SYF2: variants seen among roughly 807,000 people sequenced by gnomAD.
The protein encoded by SYF2 is pre-mRNA-splicing factor SYF2.
In SYF2, 21 loss-of-function variants were observed where a neutral mutation model predicts 32.7. That is an observed-to-expected ratio of 0.64 (90% CI 0.45 to 0.92). The LOEUF is 0.92. Ranked by LOEUF, SYF2 falls within the 40% of genes least tolerant of loss-of-function variation. SYF2 has a pLI of 0.00. For missense variants in SYF2, 278 were observed against 296.5 expected (o/e 0.94, Z 0.46); for synonymous variants, 114 against 103.9 (o/e 1.10, Z -0.59).
At chr1:25,232,068 G>C (rs1202672451) in intron 2 of SYF2, 36 bp downstream of exon 2, 2 of 1,598,510 alleles carry the variant, frequency 1.3e-6, no homozygotes, top group African/African-American at 1.3e-5. Flanking sequence ...GGCTTGGCCA[G>C]ATGACGGATC....
rs752382540 is a variant in SYF2, at chr1:25,224,982, C to T, written c.566+20G>A. On this transcript the variant is annotated intron_variant, in intron 6 of 6. Coordinates refer to ENST00000236273, the MANE Select transcript of SYF2 (RefSeq NM_015484.5). ...GTCATGAAGTATTTACAACGTCAAGCTGCTCTACTGAATACTTACTGTTTT... is the reference window on the plus strand; with the variant it reads ...GTCATGAAGTATTTACAACGTCAAGTTGCTCTACTGAATACTTACTGTTTT... 1 of 1,544,798 alleles carries T rather than the reference C, an allele frequency of 6.5e-7. No homozygotes were observed. Among genetic ancestry groups the T allele is most frequent in the Non-Finnish European group, 9.0e-7 (1 of 1,117,106 alleles).
chr1:25,224,018 AC>A (rs1294727088), intron 6 of SYF2, among the ~76,000 whole-genome samples: 2 of 151,954 alleles, frequency 1.3e-5, no homozygotes, highest in East Asian at 3.9e-4. Flanking sequence ...ACATGACGAA[AC>A]CCCGTCTCTA....
In SYF2 at chr1:25,223,267, T is replaced by C. The variant is rs1437750044; in HGVS notation, c.731A>G (p.Ter244=). The C allele has an allele frequency of 3.7e-6, 6 of 1,612,578 alleles. No homozygotes were observed. The highest frequency in any genetic ancestry group is 3.4e-6 in the Non-Finnish European group (4 of 1,179,730). The change falls in exon 7 of 7, where the codon TAA becomes TGA. Residue 244 remains the stop codon, a stop_retained_variant. Transcript: ENST00000236273. ...TTCTATAAACAGTTCTTGAAGGGAT[T>C]AGACAGCTGTTCCTCTTTCCAAATT... is the stretch of plus-strand genomic sequence containing the variant. The part of the protein sequence containing the change: ...KQNLERGTAV[*]
intron 3 of SYF2, 111 bp downstream of exon 3, chr1:25,228,881 GAATTTC>G: frequency 7.6e-7 from 1 of 1,310,552 alleles, no homozygotes; most frequent in Non-Finnish European, 1.0e-6. Flanking sequence ...AGCAGAGCCA[GAATTTC>G]AATTCTGGCA....
chr1:25,228,898 G>T, intron 3 of SYF2, 100 bp downstream of exon 3: 1 of 1,423,492 alleles, frequency 7.0e-7, no homozygotes, highest in Non-Finnish European at 9.5e-7. Flanking sequence ...AATTCTGGCA[G>T]CTTGGCCTAA....
At position 25,223,414 on chromosome 1, in the gene SYF2, T is replaced by C. The variant is rs1305415416; in HGVS notation, c.584A>G (p.Lys195Arg). Residue 195 changes from lysine (K) to arginine (R), a missense_variant, in exon 7 of 7, where the codon AAA (lysine) becomes AGA (arginine). Transcript: ENST00000236273. ...DLEKQIEKRDKYSRRRPYNDD... is the reference protein window; with the variant it reads ...DLEKQIEKRDRYSRRRPYNDD... ...ATTATAAGGACGTCTCCGGCTATAT[T>C]TGTCTCGTTTTTCAATCCTGGGGAA... 1.2e-6 allele frequency: 2 copies of C among 1,606,626 alleles called. No homozygotes were observed. Among genetic ancestry groups the C allele is most frequent in the African/African-American group, 1.3e-5 (1 of 74,472 alleles).
rs765168324 is a variant in SYF2, at chr1:25,232,074, G to C, written c.132+30C>G. 6 of 1,603,914 alleles carry C rather than the reference G, an allele frequency of 3.7e-6. No homozygotes were observed. The South Asian group carries it at 5.6e-5, about 15-fold the overall frequency. On this transcript the variant is annotated intron_variant, in intron 2 of 6. Transcript: ENST00000236273. Reference sequence around the variant, plus strand: ...AAGCGCACAGGCTTGGCCAGATGACGGATCTAAGCCGGCCTCCAAGACTAC... The same window carrying C: ...AAGCGCACAGGCTTGGCCAGATGACCGATCTAAGCCGGCCTCCAAGACTAC...
At chr1:25,232,283 G>C in intron 1 of SYF2, 72 bp from the exon 2 acceptor site, 1 of 1,579,826 alleles carries the variant, frequency 6.3e-7, no homozygotes, top group Non-Finnish European at 8.6e-7. Flanking sequence ...CCGAGTCCCC[G>C]CCGGTCCCCA....
chr1:25,223,225 T>C lies in SYF2; in HGVS notation c.*41A>G, dbSNP rs1638443502. On this transcript the variant is annotated 3_prime_UTR_variant, in exon 7 of 7. Transcript: ENST00000236273. The stretch of plus-strand genomic sequence containing the variant: ...AACTTGATTTTGCTAGCAGAAATTT[T>C]TACCCCATTCTCAAGCTTCTATAAA... 1.3e-6 allele frequency: 2 copies of C among 1,534,686 alleles called. No individual in the cohort carries two copies. Among genetic ancestry groups the C allele is most frequent in the African/African-American group, 1.4e-5 (1 of 72,166 alleles).
At chr1:25,223,750 C>G (rs1638451802) in intron 6 of SYF2, among the ~76,000 whole-genome samples, 1 of 152,152 alleles carries the variant, frequency 6.6e-6, no homozygotes, top group African/African-American at 2.4e-5. Context: ...AATCCCACTA[C>G]TTTTGGAGGA....
In SYF2 at chr1:25,223,338, C is replaced by T. The variant is rs1453551655; in HGVS notation, c.660G>A (p.Lys220=). Residue 220 remains lysine, a synonymous_variant, in exon 7 of 7, where the codon AAG becomes AAA. Coordinates refer to ENST00000236273, the MANE Select transcript of SYF2 (RefSeq NM_015484.5). ...ATTTCCCATAGAATCTTTCAGCTTTCTTGTTGAATTTGGCATTCCTTTCAT... is the reference window on the plus strand; with the variant it reads ...ATTTCCCATAGAATCTTTCAGCTTTTTTGTTGAATTTGGCATTCCTTTCAT... ...YINERNAKFN[K]KAERFYGKYT... 2.5e-6 allele frequency: 4 copies of T among 1,613,916 alleles called. No homozygotes were observed. Among genetic ancestry groups the T allele is most frequent in the East Asian group, 2.2e-5 (1 of 44,852 alleles).
Position 25,232,199 on chromosome 1 carries a change from T to C in SYF2, c.37A>G (p.Ser13Gly), listed in dbSNP as rs1281094950. The C allele has an allele frequency of 2.5e-6, 4 of 1,613,496 alleles. No homozygotes were observed. In the East Asian group the frequency reaches 6.7e-5, roughly 27 times the overall value. ...AIAASEVLVD[S>G]AEEGSLAAAA... ...GCAGCGAGGGACCCCTCCTCCGCGC[T>C]GTCCACCAGCACCTGCGACAAGGAG... is the stretch of plus-strand genomic sequence containing the variant. The change falls in exon 2 of 7, where the codon AGC becomes GGC. Residue 13 changes from serine to glycine, a missense_variant. Ser to Gly is a moderately conservative substitution (Grantham distance 56). Coordinates refer to ENST00000236273, the MANE Select transcript of SYF2 (RefSeq NM_015484.5).
chr1:25,227,620 G>A, intron 4 of SYF2, 88 bp from the exon 5 acceptor site: 1 of 1,194,878 alleles, frequency 8.4e-7, no homozygotes. Flanking sequence ...TCACAGGTGA[G>A]TATCTTTTAT....
Position 25,228,264 on chromosome 1 carries a change from C to T in SYF2, c.259-29G>A, listed in dbSNP as rs1638555281. 1.3e-6 allele frequency: 2 copies of T among 1,532,948 alleles called. 1 individual carries two copies. Among genetic ancestry groups the T allele is most frequent in the South Asian group, 2.3e-5 (2 of 88,410 alleles). 95.0% of individuals were successfully genotyped at this position (1,532,948 alleles called of 1,614,324 possible). A position where few individuals can be genotyped will look rare whatever the true frequency, so the allele number is the denominator to read the frequency against. On this transcript the variant is annotated intron_variant, in intron 3 of 6. Transcript: ENST00000236273. Reference sequence around the variant, plus strand: ...AAAAGAAGAAAAAAGCTGACACCTACAATTATGATACATGCAATAATTTGA... The same window carrying T: ...AAAAGAAGAAAAAAGCTGACACCTATAATTATGATACATGCAATAATTTGA...
Position 25,229,249 on chromosome 1 carries a change from A to C in SYF2, c.133-126T>G, listed in dbSNP as rs1340849053. ...CTGACCCCATTTTATCCTAAAAGCA[A>C]TAGAGAGCCATCACAGGATTTTAAG... On this transcript the variant is annotated intron_variant, in intron 2 of 6. Coordinates refer to ENST00000236273, the MANE Select transcript of SYF2 (RefSeq NM_015484.5). 2.6e-6 allele frequency: 3 copies of C among 1,133,734 alleles called. No homozygotes were observed. In the East Asian group the frequency reaches 7.5e-5, roughly 28 times the overall value. 70.2% of individuals were successfully genotyped at this position (1,133,734 alleles called of 1,614,324 possible). A position where few individuals can be genotyped will look rare whatever the true frequency, so the allele number is the denominator to read the frequency against.
intron 6 of SYF2, 81 bp downstream of exon 6, chr1:25,224,921 C>T: frequency 2.0e-6 from 2 of 1,003,102 alleles, no homozygotes; most frequent in South Asian, 2.6e-5. Flanking sequence ...TCATTCTAAG[C>T]ACGTCAGATA....
chr1:25,224,181 G>A (rs1485100575), intron 6 of SYF2, among the ~76,000 whole-genome samples: 2 of 151,382 alleles, frequency 1.3e-5, no homozygotes, highest in African/African-American at 2.4e-5. Flanking sequence ...GCAATAGAGT[G>A]AGACTCCGTC....
Position 25,232,386 on chromosome 1 carries a change from G to A in SYF2, c.24+58C>T, listed in dbSNP as rs1638652948. The A allele has an allele frequency of 2.4e-5, 38 of 1,613,734 alleles. 1 individual carries two copies. The South Asian group carries it at 3.2e-4, about 14-fold the overall frequency. ...TAGACTTCGCCTCCACCTCTCTCCA[G>A]GCCGCTCCCCGGAACCCTCACCAAC... On this transcript the variant is annotated intron_variant, in intron 1 of 6. Coordinates refer to ENST00000236273, the MANE Select transcript of SYF2 (RefSeq NM_015484.5).
In SYF2 at chr1:25,227,426, T is replaced by C. The variant is rs781361361; in HGVS notation, c.467+16A>G. ...ACAAATACATCCACATCACCTCAGG[T>C]TGAAAAAGGACTTACTGTTTTTCTC... On this transcript the variant is annotated intron_variant, in intron 5 of 6. Coordinates refer to ENST00000236273, the MANE Select transcript of SYF2 (RefSeq NM_015484.5). 2.9e-5 allele frequency: 47 copies of C among 1,606,642 alleles called. No homozygotes were observed. The African/African-American group carries it at 3.3e-4, about 11-fold the overall frequency.
Sources: gnomAD v4.1 joint callset for allele counts (sites outside exome capture counted in the v4.1 genomes callset) on GRCh38, gnomAD v4.1.1 for gene constraint, MANE v1.5 for transcripts, NCBI Gene and HGNC (gene_info 2026-07-23, HGNC 2026-07-21) for gene names.